Variants in RBFOX1 observed in about 807,000 individuals in gnomAD.
RBFOX1 encodes the protein RNA binding fox-1 homolog 1.
Under a neutral mutation model 57.7 loss-of-function variants are expected in RBFOX1, and 8 were observed. The ratio of observed to expected loss-of-function variants is 0.14; its 90% CI spans 0.08 to 0.25. The LOEUF (loss-of-function observed/expected upper bound fraction) is 0.25. RBFOX1 is among the 10% of genes least tolerant of loss of function. RBFOX1 has a pLI of 1.00. For missense variants in RBFOX1, 611 were observed against 548.5 expected, an observed-to-expected ratio of 1.11 and a Z score of -1.14; for synonymous variants, 326 against 222.4, an observed-to-expected ratio of 1.47 and a Z score of -4.15.
rs1452770481 is a variant in RBFOX1 at position 7,455,753 on chromosome 16, C to T, written c.28-62394C>T. Among the ~76,000 whole-genome samples, 7 of 140,662 alleles carry T rather than the reference C, an allele frequency of 5.0e-5. No homozygotes were observed. The East Asian group carries it at 8.3e-4, about 17-fold the overall frequency. 92.3% of individuals were successfully genotyped at this position (140,662 alleles called of 152,430 possible). On this transcript the variant is annotated intron_variant, in intron 4 of 15. Transcript: ENST00000550418. ...AATGAGCCGAGATTGTGCCATTGCA[C>T]TCCAGCCTGGGAACAGAATGAGACT...
At position 6,149,814 on chromosome 16, in the gene RBFOX1, C is replaced by T. The variant is rs537237540; in HGVS notation, c.-127+129822C>T. Among the ~76,000 whole-genome samples, 10 of 152,250 alleles carry T rather than the reference C, an allele frequency of 6.6e-5. No individual in the cohort carries two copies. In the South Asian group the frequency reaches 1.7e-3, roughly 25 times the overall value. ...GGGAGGATAGAACTTATTTGGAGAA[C>T]GTTTATGGCCTAATAGCTTGGTAAA... On this transcript the variant is annotated intron_variant, in intron 1 of 15. Coordinates refer to ENST00000550418, the MANE Select transcript of RBFOX1 (RefSeq NM_018723.4).
chr16:5,642,683 T>A (rs1283892945), intron 3 of RBFOX1, among the ~76,000 whole-genome samples: 2 of 152,156 alleles, frequency 1.3e-5, no homozygotes, highest in African/African-American at 4.8e-5. Context: ...ATGGGGAATT[T>A]ACTAGAGGTA....
intron 2 of RBFOX1, among the ~76,000 whole-genome samples, chr16:6,534,003 A>C (rs1579231): frequency 0.037 from 5,566 of 152,224 alleles, 358 homozygotes; most frequent in African/African-American, 0.13. Flanking sequence ...ACACATACAC[A>C]CATATACATA....
At chr16:5,613,969 T>C (rs2047923415) in intron 3 of RBFOX1, among the ~76,000 whole-genome samples, 1 of 151,806 alleles carries the variant, frequency 6.6e-6, no homozygotes, top group East Asian at 1.9e-4. Context: ...GGGTCCCAGC[T>C]CTTTGACCTA....
At position 5,905,995 on chromosome 16, in the gene RBFOX1, G is replaced by C. The variant is rs113242544; in HGVS notation, c.351+38660G>C. 4.6e-5 allele frequency among the ~76,000 whole-genome samples: 7 copies of C among 152,330 alleles called. 1 individual carries two copies. The highest frequency in any genetic ancestry group is 2.1e-4 in the South Asian group (1 of 4,830). On this transcript the variant is annotated intron_variant, in intron 4 of 19. Coordinates refer to the RBFOX1 transcript ENST00000641259. ...CCTTAGGATGTGGTTTTCAGGCTGA[G>C]TCCAGGCAGGGGAGGATGCTGTCTG...
chr16:7,433,215 C>T (rs1026975649), intron 4 of RBFOX1, among the ~76,000 whole-genome samples: 7 of 152,204 alleles, frequency 4.6e-5, no homozygotes, highest in African/African-American at 1.4e-4. Flanking sequence ...CTTTAATATG[C>T]AAAAAGGTTT....
chr16:6,930,646 G>T (rs2076352345), intron 3 of RBFOX1, among the ~76,000 whole-genome samples: 2 of 152,116 alleles, frequency 1.3e-5, no homozygotes, highest in African/African-American at 4.8e-5. Flanking sequence ...CTCACCTTAG[G>T]TGATCCGCCT....
At chr16:6,123,897 A>C (rs1465528557) in intron 1 of RBFOX1, among the ~76,000 whole-genome samples, 1 of 152,222 alleles carries the variant, frequency 6.6e-6, no homozygotes, top group Non-Finnish European at 1.5e-5. Context: ...ACTCCCTCAA[A>C]AAAAGAATAG....
chr16:6,908,490 G>A (rs1455920287), intron 3 of RBFOX1, among the ~76,000 whole-genome samples: 1 of 152,124 alleles, frequency 6.6e-6, no homozygotes, highest in Middle Eastern at 3.2e-3. Context: ...AATCCTCTAG[G>A]AAGGTATTTC....
intron 2 of RBFOX1, among the ~76,000 whole-genome samples, chr16:5,475,752 C>G (rs748751191): frequency 3.3e-5 from 5 of 152,156 alleles, no homozygotes; most frequent in Non-Finnish European, 7.3e-5. Context: ...AGCCACATAT[C>G]TGAGGAAGTG....
intron 3 of RBFOX1, among the ~76,000 whole-genome samples, chr16:6,853,500 A>G (rs12931383): frequency 0.28 from 41,932 of 151,962 alleles, 6,173 homozygotes; most frequent in East Asian, 0.39. Context: ...GCTCGAGGAC[A>G]ATCCCTGTCT....
At chr16:6,202,460 G>A (rs966615672) in intron 1 of RBFOX1, among the ~76,000 whole-genome samples, 3 of 151,940 alleles carry the variant, frequency 2.0e-5, no homozygotes, top group African/African-American at 4.8e-5. Context: ...GAGGCTTGGA[G>A]GGAAAAAAAG....
intron 4 of RBFOX1, among the ~76,000 whole-genome samples, chr16:7,154,370 A>C (rs1375898410): frequency 1.3e-5 from 2 of 152,204 alleles, no homozygotes; most frequent in Non-Finnish European, 2.9e-5. Context: ...ACTACCACTG[A>C]AGAGTGTGAC....
chr16:6,435,016 A>C (rs1198386202), intron 2 of RBFOX1, among the ~76,000 whole-genome samples: 5 of 152,204 alleles, frequency 3.3e-5, no homozygotes, highest in Admixed American at 3.3e-4. Context: ...AAATTGATGG[A>C]TCAGCCCTGA....
At chr16:7,696,072 CGA>C (rs1308029999) in intron 14 of RBFOX1, among the ~76,000 whole-genome samples, 12 of 152,268 alleles carry the variant, frequency 7.9e-5, no homozygotes, top group South Asian at 2.1e-4. Flanking sequence ...GGTCTTGTGT[CGA>C]GAGTGCCAAC....
At chr16:7,536,406 C>G (rs1045127383) in intron 5 of RBFOX1, among the ~76,000 whole-genome samples, 3 of 152,112 alleles carry the variant, frequency 2.0e-5, no homozygotes, top group African/African-American at 7.2e-5. Context: ...CCAGCCTGGC[C>G]AAAATGGTAA....
At chr16:7,622,324 T>A (rs900189430) in intron 10 of RBFOX1, among the ~76,000 whole-genome samples, 1 of 152,226 alleles carries the variant, frequency 6.6e-6, no homozygotes, top group African/African-American at 2.4e-5. Flanking sequence ...GAGTAAATGA[T>A]GATCTAAGTT....
At chr16:6,627,180 G>T (rs1169858429) in intron 2 of RBFOX1, among the ~76,000 whole-genome samples, 1 of 152,148 alleles carries the variant, frequency 6.6e-6, no homozygotes, top group Non-Finnish European at 1.5e-5. Flanking sequence ...ACCATATCTA[G>T]ATCTTGGGAT....
At chr16:6,681,965 C>G (rs1006774574) in intron 3 of RBFOX1, among the ~76,000 whole-genome samples, 1 of 152,094 alleles carries the variant, frequency 6.6e-6, no homozygotes, top group African/African-American at 2.4e-5. Flanking sequence ...TCTTTCTTTT[C>G]TGAACCTTTA....
Sources: allele counts gnomAD v4.1 joint callset (sites outside exome capture counted in the v4.1 genomes callset), GRCh38; gene constraint gnomAD v4.1.1; transcripts MANE v1.5; gene names NCBI Gene and HGNC (gene_info 2026-07-23, HGNC 2026-07-21).